Variants in STK32B observed in about 807,000 individuals in gnomAD.
STK32B encodes serine/threonine kinase 32B, also known as serine/threonine-protein kinase 32B.
Under a neutral mutation model 52.6 loss-of-function variants are expected in STK32B, and 43 were observed. The ratio of observed to expected loss-of-function variants is 0.82; its 90% CI spans 0.64 to 1.05. The LOEUF (loss-of-function observed/expected upper bound fraction) is 1.05. Ranked by LOEUF, STK32B falls within the 50% of genes least tolerant of loss-of-function variation. The pLI is 0.00. For synonymous variants in STK32B, 238 were observed against 204.3 expected (o/e 1.17, Z -1.41); for missense variants, 621 against 534.6 (o/e 1.16, Z -1.59).
At chr4:5,150,577 T>TG (rs1717272841) in intron 2 of STK32B, among the ~76,000 whole-genome samples, 1 of 152,086 alleles carries the variant, frequency 6.6e-6, no homozygotes, top group South Asian at 2.1e-4. Flanking sequence ...TCAGTCCATT[T>TG]TTTTTTTCTT....
intron 3 of STK32B, among the ~76,000 whole-genome samples, chr4:5,236,048 C>T (rs1379125678): frequency 1.3e-5 from 2 of 152,190 alleles, no homozygotes; most frequent in Non-Finnish European, 2.9e-5. Flanking sequence ...TGGGTGTCTG[C>T]AGGGGCAGTG....
intron 11 of STK32B, among the ~76,000 whole-genome samples, chr4:5,472,408 A>G (rs1717915516): frequency 1.3e-5 from 2 of 152,244 alleles, no homozygotes; most frequent in Admixed American, 6.5e-5. Flanking sequence ...GCAGCTTATT[A>G]TTGGCTAATG....
chr4:5,087,114 T>C (rs1295286577), intron 1 of STK32B, among the ~76,000 whole-genome samples: 1 of 152,172 alleles, frequency 6.6e-6, no homozygotes, highest in East Asian at 1.9e-4. Flanking sequence ...TTATTAAATC[T>C]ATATAGATAG....
Position 5,467,960 on chromosome 4 carries a change from C to G in STK32B, c.1042-46C>G. ...GTGATGCTCCATTACCGCGCGTCCC[C>G]GGACCGTGCTTTGTCATTTAGTCAC... On this transcript the variant is annotated intron_variant, in intron 10 of 11. Transcript: ENST00000282908. The surrounding 1 kb of genome is among the most constrained non-coding windows in gnomAD (Gnocchi z 5.8). 1.2e-6 allele frequency: 2 copies of G among 1,609,414 alleles called. No individual in the cohort carries two copies. Among genetic ancestry groups the G allele is most frequent in the Non-Finnish European group, 1.7e-6 (2 of 1,176,096 alleles).
At chr4:5,092,442 G>A (rs547611261) in intron 1 of STK32B, among the ~76,000 whole-genome samples, 1 of 151,742 alleles carries the variant, frequency 6.6e-6, no homozygotes, top group East Asian at 2.0e-4. Flanking sequence ...TGAGGCCGGA[G>A]AATGGTGTGA....
upstream of STK32B, chr4:5,051,420 C>T (rs1258285464): frequency 5.4e-6 from 1 of 185,848 alleles, no homozygotes; most frequent in Admixed American, 6.4e-5. Flanking sequence ...TTTCTCAGCT[C>T]CTTCCGCCCT....
At chr4:5,274,005 C>CA (rs571304738) in intron 3 of STK32B, among the ~76,000 whole-genome samples, 4 of 151,266 alleles carry the variant, frequency 2.6e-5, no homozygotes, top group Non-Finnish European at 5.9e-5. Context: ...AAAAAAGAAA[C>CA]AAAAAAACAA....
chr4:5,179,837 C>T (rs1181734313), intron 3 of STK32B, among the ~76,000 whole-genome samples: 1 of 152,204 alleles, frequency 6.6e-6, no homozygotes, highest in Non-Finnish European at 1.5e-5. Context: ...CTTTTGCTTT[C>T]CCCTGTGTTA....
intron 3 of STK32B, among the ~76,000 whole-genome samples, chr4:5,197,195 AC>A (rs1721747451): frequency 6.6e-6 from 1 of 152,176 alleles, no homozygotes; most frequent in Non-Finnish European, 1.5e-5. Context: ...CAAAGAGCTC[AC>A]CTTGGCACAT....
chr4:5,498,782 C>T (rs570062191), intron 11 of STK32B, among the ~76,000 whole-genome samples, 163 bp from the exon 12 acceptor site: 1 of 152,368 alleles, frequency 6.6e-6, no homozygotes, highest in South Asian at 2.1e-4. Context: ...GCCCATCTGG[C>T]TACAGTGCAC....
chr4:5,243,967 T>A (rs1725242318), intron 3 of STK32B, among the ~76,000 whole-genome samples: 1 of 152,186 alleles, frequency 6.6e-6, no homozygotes. Context: ...GATGTGCTGC[T>A]GGATTCAGTT....
At chr4:5,393,715 C>A (rs758489534) in intron 4 of STK32B, among the ~76,000 whole-genome samples, 2 of 152,092 alleles carry the variant, frequency 1.3e-5, no homozygotes, top group Admixed American at 1.3e-4. Flanking sequence ...CCCCATGATC[C>A]AATCACCTCC....
At chr4:5,137,559 AG>A (rs1716150133) in intron 1 of STK32B, among the ~76,000 whole-genome samples, 1 of 152,184 alleles carries the variant, frequency 6.6e-6, no homozygotes, top group Non-Finnish European at 1.5e-5. Context: ...GTAGTGTGCC[AG>A]GCATGATTCT....
rs1438751361 is a variant in STK32B at position 5,470,034 on chromosome 4, G to C, written c.1106+1964G>C. Among the ~76,000 whole-genome samples, 1 of 152,162 alleles carries C rather than the reference G, an allele frequency of 6.6e-6. No homozygotes were observed. Among genetic ancestry groups the C allele is most frequent in the Non-Finnish European group, 1.5e-5 (1 of 68,030 alleles). ...CAAACGTGAGCCTGCAAAAAGCTAA[G>C]CTGTGTGGGACCCAAGCAGACAGCA... On this transcript the variant is annotated intron_variant, in intron 11 of 11. Coordinates refer to ENST00000282908, the MANE Select transcript of STK32B (RefSeq NM_018401.3). The surrounding 1 kb of genome is among the most constrained non-coding windows in gnomAD (Gnocchi z 4.6).
At chr4:5,323,821 A>T (rs1002777986) in intron 3 of STK32B, among the ~76,000 whole-genome samples, 1 of 152,186 alleles carries the variant, frequency 6.6e-6, no homozygotes, top group African/African-American at 2.4e-5. Flanking sequence ...TGGTGGGGAA[A>T]AGAGACCAGA....
chr4:5,072,563 A>G (rs541089114), intron 1 of STK32B, among the ~76,000 whole-genome samples: 2 of 152,268 alleles, frequency 1.3e-5, no homozygotes, highest in East Asian at 3.9e-4. Context: ...CAGGAATCCA[A>G]ACAGACTCAC....
At chr4:5,214,851 G>A (rs1723097038) in intron 3 of STK32B, among the ~76,000 whole-genome samples, 1 of 152,200 alleles carries the variant, frequency 6.6e-6, no homozygotes, top group Non-Finnish European at 1.5e-5. Flanking sequence ...AGAGAGGTAT[G>A]AACAAAGTGT....
chr4:5,317,236 T>TATATATTATATATAACATATAAC (rs1560313390), intron 3 of STK32B, among the ~76,000 whole-genome samples: 1 of 56,616 alleles, frequency 1.8e-5, no homozygotes, highest in African/African-American at 1.8e-4. Context: ...ATATATAACA[T>TATATATTATATATAACATATAAC]ATATATATTA....
the STK32B span, among the ~76,000 whole-genome samples, chr4:5,034,120 C>T: frequency 2.0e-5 from 3 of 152,158 alleles, no homozygotes; most frequent in Non-Finnish European, 2.9e-5. Flanking sequence ...GATTTCATGC[C>T]GTTACACAGC....
Sources: allele counts gnomAD v4.1 joint callset (sites outside exome capture counted in the v4.1 genomes callset), GRCh38; gene constraint gnomAD v4.1.1; non-coding constraint Gnocchi (gnomAD v3.1); transcripts MANE v1.5; gene names NCBI Gene and HGNC (gene_info 2026-07-23, HGNC 2026-07-21).